The following DAB1 variants were observed in gnomAD, a reference collection of about 807,000 sequenced individuals.
DAB1 encodes the protein disabled homolog 1.
Under a neutral mutation model 64.6 loss-of-function variants are expected in DAB1, and 15 were observed. The ratio of observed to expected loss-of-function variants is 0.23; its 90% CI spans 0.16 to 0.36. The LOEUF (loss-of-function observed/expected upper bound fraction) is 0.36, where lower values mean the gene tolerates loss of function less well. Among genes scored for constraint, DAB1 ranks in the 10% least tolerant of loss-of-function variants. The pLI is 1.00. For synonymous variants in DAB1, 235 were observed against 251.9 expected (o/e 0.93, Z 0.64); for missense variants, 596 against 706.7 (o/e 0.84, Z 1.78).
At chr1:57,171,181 T>C (rs1569722441) in intron 2 of DAB1, among the ~76,000 whole-genome samples, 1 of 152,132 alleles carries the variant, frequency 6.6e-6, no homozygotes, top group East Asian at 1.9e-4. Context: ...GGTTTTTCCA[T>C]GTAACATCAA....
chr1:58,102,045 A>C (rs1355316944), intron 5 of DAB1, among the ~76,000 whole-genome samples: 1 of 152,230 alleles, frequency 6.6e-6, no homozygotes, highest in Non-Finnish European at 1.5e-5. Flanking sequence ...CATTTGACAC[A>C]TGCTCTTCTG....
intron 1 of DAB1, among the ~76,000 whole-genome samples, chr1:57,297,942 G>T (rs968535173): frequency 2.0e-5 from 3 of 152,072 alleles, no homozygotes; most frequent in African/African-American, 7.2e-5. Flanking sequence ...ACGGAACAGG[G>T]TCCTTTCTTC....
intron 7 of DAB1, among the ~76,000 whole-genome samples, chr1:57,485,677 T>C (rs1446694665): frequency 1.3e-5 from 2 of 152,168 alleles, no homozygotes; most frequent in Non-Finnish European, 2.9e-5. Context: ...AGCCTTAGTT[T>C]CCTCTTCTTT....
intron 2 of DAB1, among the ~76,000 whole-genome samples, chr1:57,213,595 C>T (rs1354486795): frequency 1.3e-5 from 2 of 152,194 alleles, no homozygotes; most frequent in South Asian, 2.1e-4. Flanking sequence ...ATAATAATCA[C>T]GTTTTCTTTC....
rs145731877 is a variant in DAB1, at chr1:57,717,164, C to T, written n.552-67499G>A. On this transcript the variant is annotated intron_variant and non_coding_transcript_variant, in intron 6 of 20. Transcript: ENST00000485760. ...CTGAGGGAGGAGAATTACTTGAACCCGGGAGGCATATGTGGTGAGCCGAGA... is the reference window on the plus strand; with the variant it reads ...CTGAGGGAGGAGAATTACTTGAACCTGGGAGGCATATGTGGTGAGCCGAGA... Among the ~76,000 whole-genome samples the T allele has an allele frequency of 5.9e-3, 890 of 151,706 alleles. 11 individuals are homozygous for T. The highest frequency in any genetic ancestry group is 0.02 in the African/African-American group (846 of 41,356).
At chr1:57,589,431 A>G (rs1645418062) in intron 7 of DAB1, among the ~76,000 whole-genome samples, 1 of 152,072 alleles carries the variant, frequency 6.6e-6, no homozygotes, top group South Asian at 2.1e-4. Flanking sequence ...ATATATAAAG[A>G]GCTTCTACCA....
intron 4 of DAB1, among the ~76,000 whole-genome samples, chr1:58,172,445 G>A (rs1448829004): frequency 6.6e-6 from 1 of 152,204 alleles, no homozygotes; most frequent in African/African-American, 2.4e-5. Flanking sequence ...CATACTAGGT[G>A]TCAAAGGAAG....
chr1:58,396,916 C>T (rs559747084), intron 3 of DAB1, among the ~76,000 whole-genome samples: 6 of 152,058 alleles, frequency 3.9e-5, no homozygotes, highest in Admixed American at 1.3e-4. Flanking sequence ...ATACAAAAAA[C>T]TAGCCGGGCG....
intron 1 of DAB1, among the ~76,000 whole-genome samples, chr1:57,846,841 GCAAA>G (rs1254200155): frequency 6.6e-6 from 1 of 152,168 alleles, no homozygotes; most frequent in Non-Finnish European, 1.5e-5. Flanking sequence ...ACACAGACAC[GCAAA>G]CAATCTGCAT....
At chr1:57,477,128 C>T (rs189762738) in intron 7 of DAB1, among the ~76,000 whole-genome samples, 8 of 152,270 alleles carry the variant, frequency 5.3e-5, no homozygotes, top group South Asian at 2.1e-4. Flanking sequence ...AATTTGTCAG[C>T]GAGACAAAGA....
chr1:58,275,887 G>A (rs1661432203), intron 4 of DAB1, among the ~76,000 whole-genome samples: 1 of 152,160 alleles, frequency 6.6e-6, no homozygotes. Context: ...GTTCATAGTA[G>A]CATTATGCAC....
intron 3 of DAB1, among the ~76,000 whole-genome samples, chr1:58,427,499 G>T (rs913688073): frequency 4.9e-4 from 74 of 152,268 alleles, no homozygotes; most frequent in African/African-American, 1.8e-3. Flanking sequence ...GGTGAGAGGT[G>T]CTGAAAGCTT....
At chr1:58,224,001 A>T (rs965514932) in intron 4 of DAB1, among the ~76,000 whole-genome samples, 2 of 152,148 alleles carry the variant, frequency 1.3e-5, no homozygotes, top group Non-Finnish European at 2.9e-5. Flanking sequence ...TCAAAGTGGG[A>T]ATTACTTCTA....
intron 2 of DAB1, among the ~76,000 whole-genome samples, chr1:58,515,208 T>C (rs1646140838): frequency 6.6e-6 from 1 of 152,210 alleles, no homozygotes; most frequent in South Asian, 2.1e-4. Context: ...ATTGCTCTTT[T>C]CCAACTAAAT....
At chr1:57,569,923 T>C (rs1304343607) in intron 7 of DAB1, among the ~76,000 whole-genome samples, 2 of 152,168 alleles carry the variant, frequency 1.3e-5, no homozygotes, top group Non-Finnish European at 1.5e-5. Context: ...TAGGTGCAAT[T>C]ACAACCTTAT....
chr1:58,059,614 G>A (rs1439431258), intron 5 of DAB1, among the ~76,000 whole-genome samples: 3 of 152,178 alleles, frequency 2.0e-5, no homozygotes, highest in Non-Finnish European at 4.4e-5. Context: ...GAACTATGGG[G>A]GCTACAAAGG....
intron 11 of DAB1, among the ~76,000 whole-genome samples, chr1:57,016,873 C>G (rs932675902): frequency 6.6e-6 from 1 of 152,088 alleles, no homozygotes; most frequent in Non-Finnish European, 1.5e-5. Context: ...TCACGAAATC[C>G]CGGCAGGGTA....
intron 7 of DAB1, among the ~76,000 whole-genome samples, chr1:57,587,789 G>A (rs923391963): frequency 6.6e-6 from 1 of 152,194 alleles, no homozygotes; most frequent in African/African-American, 2.4e-5. Flanking sequence ...GGTAATAAAT[G>A]TCAAAACTGA....
At chr1:58,112,451 G>T (rs1384857002) in intron 5 of DAB1, among the ~76,000 whole-genome samples, 2 of 152,190 alleles carry the variant, frequency 1.3e-5, no homozygotes, top group African/African-American at 2.4e-5. Flanking sequence ...TGAAAGCAGA[G>T]ACTATGTTTT....
Sources: gnomAD v4.1 joint callset for allele counts (sites outside exome capture counted in the v4.1 genomes callset) on GRCh38, gnomAD v4.1.1 for gene constraint, MANE v1.5 for transcripts, NCBI Gene and HGNC (gene_info 2026-07-23, HGNC 2026-07-21) for gene names.